The following CPED1 variants were observed in gnomAD, a reference collection of about 807,000 sequenced individuals.
CPED1 encodes cadherin like and PC-esterase domain containing 1.
Under a neutral mutation model 128.2 loss-of-function variants are expected in CPED1, and 114 were observed. The observed-to-expected ratio is 0.89, with a 90% confidence interval of 0.76 to 1.04. The LOEUF (loss-of-function observed/expected upper bound fraction) is 1.04, where lower values mean the gene tolerates loss of function less well. CPED1 is among the 50% of genes least tolerant of loss of function. The pLI is 0.00. For missense variants in CPED1, 1,211 were observed against 1,207.1 expected, an observed-to-expected ratio of 1.00 and a Z score of -0.05; for synonymous variants, 462 against 426.7, an observed-to-expected ratio of 1.08 and a Z score of -1.02.
intron 16 of CPED1, among the ~76,000 whole-genome samples, chr7:121,234,093 T>C (rs895662440): frequency 3.3e-5 from 5 of 152,130 alleles, no homozygotes; most frequent in African/African-American, 4.8e-5. Flanking sequence ...TGACTCCTTT[T>C]AGCTATGAGA....
At chr7:121,145,902 G>T (rs1435746302) in intron 16 of CPED1, among the ~76,000 whole-genome samples, 2 of 151,632 alleles carry the variant, frequency 1.3e-5, no homozygotes, top group African/African-American at 4.8e-5. Flanking sequence ...AATCCCCAAA[G>T]CCTATGCAGG....
At chr7:121,252,648 G>C (rs1057512070) in intron 18 of CPED1, among the ~76,000 whole-genome samples, 1 of 152,140 alleles carries the variant, frequency 6.6e-6, no homozygotes, top group African/African-American at 2.4e-5. Context: ...CAAAAAGTGG[G>C]CAAAGGATAT....
intron 2 of CPED1, among the ~76,000 whole-genome samples, chr7:120,994,657 G>GTGTGTTGTTGT (rs148572524): frequency 1.4e-4 from 21 of 149,302 alleles, no homozygotes; most frequent in African/African-American, 4.7e-4. Flanking sequence ...GTGTGTGTGT[G>GTGTGTTGTTGT]TGTTGTTGTT....
chr7:121,271,178 G>A, intron 21 of CPED1, 106 bp from the exon 22 acceptor site: 1 of 858,256 alleles, frequency 1.2e-6, no homozygotes, highest in South Asian at 2.0e-5. Flanking sequence ...CTTACACTAT[G>A]ACTAATCCCA....
chr7:121,114,210 T>C (rs1795179592), intron 7 of CPED1, among the ~76,000 whole-genome samples: 1 of 152,202 alleles, frequency 6.6e-6, no homozygotes, highest in South Asian at 2.1e-4. Context: ...AGATTCATGA[T>C]TTAGTGAAGA....
chr7:121,194,116 C>T (rs1399398079), intron 16 of CPED1, among the ~76,000 whole-genome samples: 5 of 139,496 alleles, frequency 3.6e-5, no homozygotes, highest in African/African-American at 1.3e-4. Flanking sequence ...TGGTCTATCT[C>T]GGCTTACTGC....
chr7:121,034,469 A>G (rs113103132), intron 3 of CPED1, among the ~76,000 whole-genome samples: 2,946 of 151,954 alleles, frequency 0.019, 54 homozygotes, highest in African/African-American at 0.047. Context: ...GCTGTTCTCA[A>G]ACTCCTGACC....
intron 5 of CPED1, among the ~76,000 whole-genome samples, chr7:121,096,558 C>T (rs1446549781): frequency 6.6e-6 from 1 of 152,112 alleles, no homozygotes; most frequent in African/African-American, 2.4e-5. Flanking sequence ...CTGGCAATTA[C>T]ACATACCAAT....
intron 16 of CPED1, among the ~76,000 whole-genome samples, chr7:121,166,456 C>T (rs1243797242): frequency 1.3e-5 from 2 of 152,114 alleles, no homozygotes; most frequent in Non-Finnish European, 2.9e-5. Flanking sequence ...CATACTGATA[C>T]ATTTTAAATG....
chr7:120,991,110 T>G (rs768063140), intron 2 of CPED1, among the ~76,000 whole-genome samples: 2 of 152,220 alleles, frequency 1.3e-5, no homozygotes, highest in Admixed American at 6.5e-5. Context: ...TGTAATAATT[T>G]TTGAAACCAC....
At chr7:121,265,405 G>C (rs1792102751) in intron 18 of CPED1, among the ~76,000 whole-genome samples, 1 of 152,024 alleles carries the variant, frequency 6.6e-6, no homozygotes, top group Admixed American at 6.6e-5. Flanking sequence ...GACTATGTGT[G>C]AAATCTCCAC....
intron 18 of CPED1, among the ~76,000 whole-genome samples, chr7:121,246,813 GAAAAT>G (rs1163241155): frequency 6.6e-6 from 1 of 152,078 alleles, no homozygotes; most frequent in Admixed American, 6.5e-5. Context: ...TGCAAAATTT[GAAAAT>G]AAAAGTCCGT....
chr7:121,137,448 C>G (rs866678501), intron 14 of CPED1, among the ~76,000 whole-genome samples: 1 of 152,016 alleles, frequency 6.6e-6, no homozygotes, highest in African/African-American at 2.4e-5. Flanking sequence ...ACTGGGATTA[C>G]AGAAATGAGC....
chr7:121,212,479 A>C (rs1328885966), intron 16 of CPED1, among the ~76,000 whole-genome samples: 1 of 152,002 alleles, frequency 6.6e-6, no homozygotes, highest in Non-Finnish European at 1.5e-5. Flanking sequence ...CTCCTGGTGA[A>C]CTTCAATATA....
chr7:121,277,335 T>C (rs1792349303), intron 22 of CPED1, among the ~76,000 whole-genome samples: 1 of 149,052 alleles, frequency 6.7e-6, no homozygotes, highest in Admixed American at 6.6e-5. Flanking sequence ...AGATCTCCAA[T>C]GGGCAGTTGG....
At chr7:121,070,833 T>G (rs1437782898) in intron 5 of CPED1, among the ~76,000 whole-genome samples, 2 of 152,168 alleles carry the variant, frequency 1.3e-5, no homozygotes, top group Non-Finnish European at 2.9e-5. Flanking sequence ...CTAGCCAGAT[T>G]GATCTTCCTC....
intron 3 of CPED1, among the ~76,000 whole-genome samples, chr7:121,028,909 T>C (rs1471882464): frequency 6.6e-6 from 1 of 152,194 alleles, no homozygotes; most frequent in Non-Finnish European, 1.5e-5. Flanking sequence ...TAAGCTTTTA[T>C]ACATTTTATG....
intron 3 of CPED1, among the ~76,000 whole-genome samples, chr7:121,027,269 AT>A (rs1239676763): frequency 2.6e-5 from 4 of 151,960 alleles, no homozygotes; most frequent in African/African-American, 9.7e-5. Flanking sequence ...CTAGGGTATG[AT>A]TTGTGTCATA....
At chr7:121,117,090 TATATATATAA>T (rs1357534441) in intron 7 of CPED1, among the ~76,000 whole-genome samples, 16 of 143,694 alleles carry the variant, frequency 1.1e-4, no homozygotes, top group African/African-American at 3.6e-4. Context: ...TATATATATA[TATATATATAA>T]ATATATATAT....
Sources: allele counts gnomAD v4.1 joint callset (sites outside exome capture counted in the v4.1 genomes callset), GRCh38; gene constraint gnomAD v4.1.1; transcripts MANE v1.5; gene names NCBI Gene and HGNC (gene_info 2026-07-23, HGNC 2026-07-21).